The following DAAM2 variants were observed in gnomAD, a reference collection of about 807,000 sequenced individuals.
DAAM2 encodes the protein disheveled-associated activator of morphogenesis 2.
A neutral mutation model predicts 120.7 loss-of-function variants in DAAM2; 39 were observed. The observed-to-expected ratio is 0.32, with a 90% CI of 0.25 to 0.42. The LOEUF is 0.42. Among genes scored for constraint, DAAM2 ranks in the 10% least tolerant of loss-of-function variants. The pLI is 1.00. For synonymous variants in DAAM2, 488 were observed against 524.9 expected (o/e 0.93, Z 0.96); for missense variants, 1,283 against 1,401.7 (o/e 0.92, Z 1.35).
At position 39,901,189 on chromosome 6, in the gene DAAM2, C is replaced by T; in HGVS notation, c.2812-113C>T. 1 of 929,424 alleles carries T rather than the reference C, an allele frequency of 1.1e-6. No homozygotes were observed. Among genetic ancestry groups the T allele is most frequent in the Admixed American group, 2.3e-5 (1 of 43,794 alleles). The allele number at this position is 929,424 out of a possible 1,614,324, so 57.6% of individuals were successfully genotyped here. Reference sequence around the variant, plus strand: ...CTTCCAGCCCTGCCCCCTGTGCCAACAGTCCCCAGCCTTGCGCTGGGCTCT... The same window carrying T: ...CTTCCAGCCCTGCCCCCTGTGCCAATAGTCCCCAGCCTTGCGCTGGGCTCT... On this transcript the variant is annotated intron_variant, in intron 23 of 24. Coordinates refer to ENST00000274867, the MANE Select transcript of DAAM2 (RefSeq NM_001201427.2). The surrounding 1 kb of genome is among the most constrained non-coding windows in gnomAD (Gnocchi z 4.5).
Position 39,904,711 on chromosome 6 carries a change from T to C in DAAM2, c.*2674T>C. The C allele has an allele frequency of 2.2e-6, 1 of 454,140 alleles. No individual in the cohort carries two copies. Among genetic ancestry groups the C allele is most frequent in the Non-Finnish European group, 4.4e-6 (1 of 226,788 alleles). The allele number at this position is 454,140 out of a possible 1,614,324, so 28.1% of individuals were successfully genotyped here. ...GTGACTATCTATCTCCCCCGACTTC[T>C]ACCAGGGATGCCTTCACGCCAAGGC... is the stretch of plus-strand genomic sequence containing the variant. On this transcript the variant is annotated 3_prime_UTR_variant, in exon 25 of 25. Transcript: ENST00000274867.
At chr6:39,831,968 G>A (rs1762926198) in intron 1 of DAAM2, among the ~76,000 whole-genome samples, 1 of 131,712 alleles carries the variant, frequency 7.6e-6, no homozygotes, top group African/African-American at 2.8e-5. Context: ...GTGCACTGGG[G>A]GGGTAGGTGC....
intron 11 of DAAM2, among the ~76,000 whole-genome samples, chr6:39,875,753 C>T (rs1396978461): frequency 6.6e-6 from 1 of 152,158 alleles, no homozygotes; most frequent in African/African-American, 2.4e-5. Context: ...AGCCACATGA[C>T]ACGTGGCTAG....
At chr6:39,864,937 G>T in intron 4 of DAAM2, 43 bp from the exon 5 acceptor site, 1 of 1,566,884 alleles carries the variant, frequency 6.4e-7, no homozygotes, top group East Asian at 2.4e-5. Context: ...GTAGTGCAGA[G>T]GGTTGGGAGA....
intron 6 of DAAM2, 102 bp from the exon 7 acceptor site, chr6:39,868,720 TG>T (rs1478702969): frequency 1.3e-5 from 10 of 793,320 alleles, no homozygotes; most frequent in Middle Eastern, 2.8e-4. Context: ...AGAGAGCAGA[TG>T]GGGCATTCTA....
At chr6:39,805,177 CAGG>C (rs1582595439) in intron 1 of DAAM2, among the ~76,000 whole-genome samples, 1 of 152,092 alleles carries the variant, frequency 6.6e-6, no homozygotes, top group African/African-American at 2.4e-5. Flanking sequence ...TGTGTGCTTC[CAGG>C]AGAAGTTTTG....
chr6:39,825,057 G>T (rs944748215), intron 1 of DAAM2, among the ~76,000 whole-genome samples: 4 of 152,166 alleles, frequency 2.6e-5, no homozygotes, highest in Non-Finnish European at 1.5e-5. Flanking sequence ...GATCAGAGAG[G>T]CTGCTTAGCC....
chr6:39,831,938 G>GA (rs75112004), intron 1 of DAAM2, among the ~76,000 whole-genome samples: 26,660 of 101,268 alleles, frequency 0.26, 4,711 homozygotes, highest in African/African-American at 0.43. Context: ...CAGTGCGAGG[G>GA]CCGGGGCACT....
intron 1 of DAAM2, among the ~76,000 whole-genome samples, chr6:39,799,612 G>T (rs1761801563): frequency 6.6e-6 from 1 of 151,966 alleles, no homozygotes; most frequent in Admixed American, 6.5e-5. Flanking sequence ...GAACGATTGG[G>T]AGCTGCCTCC....
chr6:39,903,049 T>C lies in DAAM2; in HGVS notation c.*1012T>C, dbSNP rs1766581607. ...AAATTGCTCAGGCCCTCCCACCCCT[T>C]CTCTAACACTAGCTTCAAGGCAGAA... On this transcript the variant is annotated 3_prime_UTR_variant, in exon 25 of 25. Transcript: ENST00000274867. 1 of 152,188 alleles carries C rather than the reference T, an allele frequency of 6.6e-6. No homozygotes were observed. The highest frequency in any genetic ancestry group is 6.5e-5 in the Admixed American group (1 of 15,282). The allele number at this position is 152,188 out of a possible 1,614,324, so 9.4% of individuals were successfully genotyped here.
intron 15 of DAAM2, 92 bp downstream of exon 15, chr6:39,884,161 C>T: frequency 1.4e-6 from 1 of 693,234 alleles, no homozygotes; most frequent in Non-Finnish European, 2.6e-6. Context: ...CCTTCCTTTC[C>T]TTTCCTTTCC....
intron 15 of DAAM2, chr6:39,886,885 G>A (rs7751984): frequency 0.016 from 2,665 of 163,102 alleles, 78 homozygotes; most frequent in African/African-American, 0.059. Context: ...GGAGTGGGGC[G>A]GGATCAATGA....
chr6:39,899,802 T>C (rs796586094), intron 22 of DAAM2: 13 of 311,746 alleles, frequency 4.2e-5, no homozygotes, highest in African/African-American at 2.8e-4. Flanking sequence ...ATCCTGTGGG[T>C]CTGAGAGTCT....
At chr6:39,870,168 G>C (rs1764598664) in intron 7 of DAAM2, among the ~76,000 whole-genome samples, 172 bp from the exon 8 acceptor site, 1 of 152,146 alleles carries the variant, frequency 6.6e-6, no homozygotes. Flanking sequence ...TTTAAACTAA[G>C]AAATAAGGTC....
At chr6:39,798,763 C>G (rs1761774013) in intron 1 of DAAM2, among the ~76,000 whole-genome samples, 1 of 152,138 alleles carries the variant, frequency 6.6e-6, no homozygotes, top group Non-Finnish European at 1.5e-5. Flanking sequence ...TACTCATCCT[C>G]CAAGGCCTGC....
In DAAM2 at chr6:39,901,175, G is replaced by C; in HGVS notation, c.2812-127G>C. 2.5e-6 allele frequency: 2 copies of C among 788,306 alleles called. No homozygotes were observed. Among genetic ancestry groups the C allele is most frequent in the Non-Finnish European group, 4.2e-6 (2 of 477,910 alleles). The allele number at this position is 788,306 out of a possible 1,614,324, so 48.8% of individuals were successfully genotyped here. A position where few individuals can be genotyped will look rare whatever the true frequency, so the allele number is the denominator to read the frequency against. On this transcript the variant is annotated intron_variant, in intron 23 of 24. Transcript: ENST00000274867. The surrounding 1 kb of genome is among the most constrained non-coding windows in gnomAD (Gnocchi z 4.5). ...GTGTCTTCTCACCTCTTCCAGCCCT[G>C]CCCCCTGTGCCAACAGTCCCCAGCC...
At chr6:39,859,715 T>A (rs967653085) in intron 2 of DAAM2, among the ~76,000 whole-genome samples, 1 of 152,238 alleles carries the variant, frequency 6.6e-6, no homozygotes, top group Non-Finnish European at 1.5e-5. Flanking sequence ...GTTTAAAATA[T>A]ACTATGAAAA....
At chr6:39,837,219 C>A (rs967002743) in intron 1 of DAAM2, among the ~76,000 whole-genome samples, 1 of 152,204 alleles carries the variant, frequency 6.6e-6, no homozygotes, top group Non-Finnish European at 1.5e-5. Context: ...TCCCCCGTCT[C>A]TCTTGGATCT....
At chr6:39,812,314 A>G (rs1762188014) in intron 1 of DAAM2, among the ~76,000 whole-genome samples, 3 of 152,178 alleles carry the variant, frequency 2.0e-5, no homozygotes, top group South Asian at 4.1e-4. Context: ...TGCACATTTC[A>G]ACACATCTCA....
Sources: gnomAD v4.1 joint callset for allele counts (sites outside exome capture counted in the v4.1 genomes callset) on GRCh38, gnomAD v4.1.1 for gene constraint, Gnocchi (gnomAD v3.1) non-coding constraint, MANE v1.5 for transcripts, NCBI Gene and HGNC (gene_info 2026-07-23, HGNC 2026-07-21) for gene names.